Variants in KCNMB1 observed in about 807,000 individuals in gnomAD.
KCNMB1 encodes calcium-activated potassium channel subunit beta-1.
A neutral mutation model predicts 21.7 loss-of-function variants in KCNMB1; 22 were observed. The ratio of observed to expected loss-of-function variants is 1.01; its 90% CI spans 0.72 to 1.45. The LOEUF is 1.45. Among genes scored for constraint, KCNMB1 ranks in the 40% most tolerant of loss-of-function variants. The pLI, the probability that KCNMB1 is intolerant of heterozygous loss-of-function variation, is 0.00. For synonymous variants in KCNMB1, 114 were observed against 107.6 expected (o/e 1.06, Z -0.37); for missense variants, 243 against 243.4 (o/e 1.00, Z 0.01).
chr5:170,386,072 G>A (rs1764457994), intron 1 of KCNMB1, among the ~76,000 whole-genome samples: 1 of 151,524 alleles, frequency 6.6e-6, no homozygotes, highest in African/African-American at 2.4e-5. Flanking sequence ...CTTGCAGTGA[G>A]CAGAGATGCG....
chr5:170,378,930 C>T lies in KCNMB1; in HGVS notation c.350G>A (p.Arg117Gln), dbSNP rs199779409. ...GGCTCTGACCTTCTCCACGTCGGCC[C>T]GGGCCGTCTGGTAATTGTCCACGCT... ...PGSVDNYQTARADVEKVRAKF... is the reference protein window; with the variant it reads ...PGSVDNYQTAQADVEKVRAKF... The change falls in exon 4 of 4, where the codon CGG becomes CAG. Residue 117 changes from arginine to glutamine, a missense_variant. Transcript: ENST00000274629. The T allele has an allele frequency of 2.4e-5, 38 of 1,614,138 alleles. No homozygotes were observed. The East Asian group carries it at 3.6e-4, about 15-fold the overall frequency.
At chr5:170,383,599 C>A in intron 3 of KCNMB1, 80 bp downstream of exon 3, 5 of 1,508,540 alleles carry the variant, frequency 3.3e-6, no homozygotes, top group Non-Finnish European at 4.6e-6. Flanking sequence ...TTCTCAGCCT[C>A]GGGGACAGGG....
At chr5:170,382,001 C>G (rs1283596937) in intron 3 of KCNMB1, among the ~76,000 whole-genome samples, 3 of 152,086 alleles carry the variant, frequency 2.0e-5, no homozygotes, top group African/African-American at 7.2e-5. Context: ...CTTCAGCACT[C>G]TCAAGATCCC....
chr5:170,385,541 G>A, intron 1 of KCNMB1, 70 bp from the exon 2 acceptor site: 1 of 1,375,798 alleles, frequency 7.3e-7, no homozygotes, highest in Non-Finnish European at 1.0e-6. Flanking sequence ...AGAGAGGACA[G>A]GTGAGAGGGG....
chr5:170,385,516 A>G (rs1348765075), intron 1 of KCNMB1, 45 bp from the exon 2 acceptor site: 1 of 1,569,480 alleles, frequency 6.4e-7, no homozygotes, highest in Admixed American at 1.7e-5. Flanking sequence ...CCCAGTTCAC[A>G]GGTGATCCAC....
In KCNMB1 at chr5:170,383,669, A is replaced by G. The variant is rs1764344274; in HGVS notation, c.306+10T>C. On this transcript the variant is annotated intron_variant, in intron 3 of 3. Coordinates refer to ENST00000274629, the MANE Select transcript of KCNMB1 (RefSeq NM_004137.4). ...TAAAGGGATGTGTCCCCATCCCTCC[A>G]GTTCAGTACCTGCTGGTTCTGGTCC... 1 of 1,614,040 alleles carries G rather than the reference A, an allele frequency of 6.2e-7. No individual in the cohort carries two copies. Among genetic ancestry groups the G allele is most frequent in the East Asian group, 2.2e-5 (1 of 44,876 alleles).
chr5:170,388,931 C>T (rs893452989), intron 1 of KCNMB1, among the ~76,000 whole-genome samples: 2 of 152,218 alleles, frequency 1.3e-5, no homozygotes, highest in Non-Finnish European at 2.9e-5. Context: ...GTCTGGACCC[C>T]TCTTGATGAA....
At chr5:170,385,202 G>C in intron 2 of KCNMB1, 112 bp downstream of exon 2, 1 of 1,172,872 alleles carries the variant, frequency 8.5e-7, no homozygotes. Flanking sequence ...TCTTGACCCT[G>C]CTGCCTTGAA....
chr5:170,388,019 C>CT (rs1402601032), intron 1 of KCNMB1, among the ~76,000 whole-genome samples: 3 of 139,236 alleles, frequency 2.2e-5, no homozygotes, highest in African/African-American at 5.7e-5. Flanking sequence ...GGCTAATCAG[C>CT]CCCCCCCAGC....
At chr5:170,381,683 A>G (rs1764247215) in intron 3 of KCNMB1, among the ~76,000 whole-genome samples, 1 of 152,186 alleles carries the variant, frequency 6.6e-6, no homozygotes, top group Admixed American at 6.5e-5. Context: ...TCCTTCCTTC[A>G]CATCCTGCTG....
At chr5:170,389,160 C>T (rs1389375816) in intron 1 of KCNMB1, 99 bp downstream of exon 1, 1 of 152,298 alleles carries the variant, frequency 6.6e-6, no homozygotes, top group Non-Finnish European at 1.5e-5. Context: ...CTCCTGCCTG[C>T]CTCCCTCCCT....
rs113260730 is a variant in KCNMB1, at chr5:170,379,951, C to CAA, written c.307-980_307-979dup. Among the ~76,000 whole-genome samples, 565 of 103,478 alleles carry CAA rather than the reference C, an allele frequency of 5.5e-3. 3 individuals carry two copies. The highest frequency in any genetic ancestry group is 0.018 in the African/African-American group (522 of 28,586). 67.9% of individuals were successfully genotyped at this position (103,478 alleles called of 152,430 possible). A position where few individuals can be genotyped will look rare whatever the true frequency, so the allele number is the denominator to read the frequency against. On this transcript the variant is annotated intron_variant, in intron 3 of 3. Coordinates refer to ENST00000274629, the MANE Select transcript of KCNMB1 (RefSeq NM_004137.4). ...AAGGCAACAAAGCGAGATCCCATTT[C>CAA]AAAAAAAAAAAAAAAGTAAAATATT...
chr5:170,385,894 C>A (rs749702045), intron 1 of KCNMB1, among the ~76,000 whole-genome samples: 2 of 151,594 alleles, frequency 1.3e-5, no homozygotes, highest in Non-Finnish European at 2.9e-5. Context: ...CCGAGGTGGG[C>A]GGATCATGAG....
chr5:170,383,037 A>C (rs1764312459), intron 3 of KCNMB1: 1 of 152,592 alleles, frequency 6.6e-6, no homozygotes, highest in African/African-American at 2.4e-5. Context: ...GAAAGGGAAA[A>C]AAGAAGGAAA....
At chr5:170,381,931 A>G (rs1448964678) in intron 3 of KCNMB1, among the ~76,000 whole-genome samples, 2 of 152,160 alleles carry the variant, frequency 1.3e-5, no homozygotes, top group African/African-American at 2.4e-5. Flanking sequence ...GGGCCGAGTC[A>G]TACTAGCGAT....
At chr5:170,382,525 C>T (rs1764282489) in intron 3 of KCNMB1, 1 of 152,374 alleles carries the variant, frequency 6.6e-6, no homozygotes, top group Non-Finnish European at 1.5e-5. Context: ...CCCTCTGATC[C>T]CTGTCTCCAC....
chr5:170,382,493 A>G (rs1436404349), intron 3 of KCNMB1, among the ~76,000 whole-genome samples: 2 of 151,948 alleles, frequency 1.3e-5, no homozygotes, highest in Non-Finnish European at 2.9e-5. Context: ...ACACCCCATC[A>G]TGGGTCATTT....
intron 3 of KCNMB1, 28 bp from the exon 4 acceptor site, chr5:170,379,001 G>C (rs1344799876): frequency 6.2e-7 from 1 of 1,604,000 alleles, no homozygotes; most frequent in South Asian, 1.1e-5. Context: ...AGCAGCTGTG[G>C]GCTTGGAAAT....
At chr5:170,387,054 T>C (rs915522666) in intron 1 of KCNMB1, among the ~76,000 whole-genome samples, 4 of 152,136 alleles carry the variant, frequency 2.6e-5, no homozygotes, top group African/African-American at 9.7e-5. Flanking sequence ...TTTCCCATGG[T>C]TCCGCAAGCT....
Sources: gnomAD v4.1 joint callset for allele counts (sites outside exome capture counted in the v4.1 genomes callset) on GRCh38, gnomAD v4.1.1 for gene constraint, MANE v1.5 for transcripts, NCBI Gene and HGNC (gene_info 2026-07-23, HGNC 2026-07-21) for gene names.